The following SEL1L2 variants were observed in gnomAD, a reference collection of about 807,000 sequenced individuals.
SEL1L2 encodes the protein protein sel-1 homolog 2.
A neutral mutation model predicts 98.8 loss-of-function variants in SEL1L2; 89 were observed. The ratio of observed to expected loss-of-function variants is 0.90; its 90% CI spans 0.76 to 1.07. The LOEUF is 1.07. Ranked by LOEUF, SEL1L2 falls within the 50% of genes least tolerant of loss-of-function variation. SEL1L2 has a pLI of 0.00. For missense variants in SEL1L2, 788 were observed against 812.0 expected (o/e 0.97, Z 0.36); for synonymous variants, 262 against 278.5 (o/e 0.94, Z 0.59).
chr20:13,860,384 G>A (rs914688800), intron 17 of SEL1L2, among the ~76,000 whole-genome samples: 6 of 152,160 alleles, frequency 3.9e-5, no homozygotes, highest in Non-Finnish European at 5.9e-5. Context: ...CCGTGAAGCT[G>A]CTATTTTGAA....
At chr20:13,894,515 A>C (rs561309017) in intron 5 of SEL1L2, among the ~76,000 whole-genome samples, 1 of 152,324 alleles carries the variant, frequency 6.6e-6, no homozygotes, top group East Asian at 1.9e-4. Flanking sequence ...AGCAGAGGTC[A>C]CACCACTGCT....
chr20:13,886,164 GAGGGC>G, intron 9 of SEL1L2, 119 bp downstream of exon 9: 1 of 556,722 alleles, frequency 1.8e-6, no homozygotes, highest in Non-Finnish European at 3.0e-6. Flanking sequence ...GGTGAGAGAG[GAGGGC>G]GGGTCTCCCC....
At chr20:13,928,665 A>T (rs946577554) in intron 3 of SEL1L2, among the ~76,000 whole-genome samples, 1 of 152,192 alleles carries the variant, frequency 6.6e-6, no homozygotes, top group Non-Finnish European at 1.5e-5. Context: ...ATCGGAAGTG[A>T]TATGCTTGTC....
intron 5 of SEL1L2, among the ~76,000 whole-genome samples, chr20:13,902,536 C>A (rs1381535625): frequency 6.6e-6 from 1 of 152,162 alleles, no homozygotes; most frequent in Non-Finnish European, 1.5e-5. Flanking sequence ...ATCATTCCAG[C>A]TTTAGCCGGT....
chr20:13,964,148 A>G (rs974144804), intron 1 of SEL1L2, among the ~76,000 whole-genome samples: 2 of 151,978 alleles, frequency 1.3e-5, no homozygotes, highest in Admixed American at 1.3e-4. Flanking sequence ...TGTTGGGGTT[A>G]CAGGCATGAG....
intron 5 of SEL1L2, among the ~76,000 whole-genome samples, chr20:13,909,507 C>T (rs761513569): frequency 2.0e-5 from 3 of 151,710 alleles, no homozygotes; most frequent in East Asian, 2.1e-4. Context: ...GCTATAGTGC[C>T]GGGAGCAGGA....
At chr20:13,864,691 G>A (rs192795924) in intron 17 of SEL1L2, among the ~76,000 whole-genome samples, 1 of 152,088 alleles carries the variant, frequency 6.6e-6, no homozygotes, top group East Asian at 1.9e-4. Context: ...GCTAATGATT[G>A]TAGTAAAGAT....
intron 5 of SEL1L2, among the ~76,000 whole-genome samples, chr20:13,907,742 CTTT>C (rs1342851382): frequency 4.8e-5 from 4 of 83,540 alleles, no homozygotes; most frequent in African/African-American, 1.4e-4. Context: ...TTCTTTCTTT[CTTT>C]CTTTTCTTTT....
At chr20:13,970,351 C>T (rs1400780066) in intron 1 of SEL1L2, among the ~76,000 whole-genome samples, 1 of 152,118 alleles carries the variant, frequency 6.6e-6, no homozygotes, top group Non-Finnish European at 1.5e-5. Context: ...ACAAACAATA[C>T]TGTAAGGGAT....
At chr20:13,974,147 G>A (rs1235359074) in intron 1 of SEL1L2, among the ~76,000 whole-genome samples, 1 of 152,148 alleles carries the variant, frequency 6.6e-6, no homozygotes, top group Admixed American at 6.5e-5. Context: ...TGATGTTCAG[G>A]TGCAGGGCTG....
intron 1 of SEL1L2, among the ~76,000 whole-genome samples, chr20:13,965,826 G>A (rs1600959964): frequency 2.0e-5 from 3 of 152,018 alleles, no homozygotes; most frequent in Admixed American, 6.6e-5. Context: ...GGTGGCATGC[G>A]CCTGTAGTCC....
intron 5 of SEL1L2, among the ~76,000 whole-genome samples, chr20:13,893,335 CAAATGGT>C (rs1007594916): frequency 4.6e-5 from 7 of 152,198 alleles, no homozygotes; most frequent in African/African-American, 1.7e-4. Flanking sequence ...TTAACACAGG[CAAATGGT>C]AACCAAAAAA....
intron 1 of SEL1L2, among the ~76,000 whole-genome samples, chr20:13,985,704 A>G (rs976707022): frequency 2.0e-4 from 30 of 152,160 alleles, no homozygotes; most frequent in Admixed American, 2.0e-3. Context: ...TCTACAATTC[A>G]ATGGCCTTTA....
chr20:13,924,942 CA>C (rs564425995), intron 3 of SEL1L2, among the ~76,000 whole-genome samples: 7 of 151,980 alleles, frequency 4.6e-5, no homozygotes, highest in Non-Finnish European at 8.8e-5. Flanking sequence ...AGTTCGAGAC[CA>C]GCCTGGCCAA....
At chr20:13,853,298 G>C (rs1392841772) in intron 18 of SEL1L2, among the ~76,000 whole-genome samples, 1 of 151,860 alleles carries the variant, frequency 6.6e-6, no homozygotes, top group Non-Finnish European at 1.5e-5. Flanking sequence ...TCCAGGGCTT[G>C]AGCGATCCTC....
At chr20:13,981,652 A>C (rs1401581517) in intron 1 of SEL1L2, among the ~76,000 whole-genome samples, 1 of 152,230 alleles carries the variant, frequency 6.6e-6, no homozygotes, top group African/African-American at 2.4e-5. Flanking sequence ...AAGCCTTATA[A>C]CTTTCAGGAA....
In SEL1L2 at chr20:13,849,416, C is replaced by A; in HGVS notation, c.*69G>T. ...GCGGACTCTTGATTTGGATGGGAAA[C>A]TGTTTATTTAGTGGGGATACCTTGG... On this transcript the variant is annotated 3_prime_UTR_variant, in exon 20 of 20. Coordinates refer to ENST00000284951, the MANE Select transcript of SEL1L2 (RefSeq NM_025229.2). 1 of 1,572,346 alleles carries A rather than the reference C, an allele frequency of 6.4e-7. No individual in the cohort carries two copies. The highest frequency in any genetic ancestry group is 8.7e-7 in the Non-Finnish European group (1 of 1,154,668).
At chr20:13,921,511 A>G (rs1388055007) in intron 3 of SEL1L2, among the ~76,000 whole-genome samples, 1 of 152,100 alleles carries the variant, frequency 6.6e-6, no homozygotes, top group Admixed American at 6.6e-5. Context: ...ATATTGATTG[A>G]TCAAATTTTC....
chr20:13,859,951 G>T (rs985179095), intron 17 of SEL1L2, among the ~76,000 whole-genome samples: 4 of 152,178 alleles, frequency 2.6e-5, no homozygotes, highest in Non-Finnish European at 5.9e-5. Flanking sequence ...TGATCCACCC[G>T]CCTTGGCCTC....
Sources: allele counts gnomAD v4.1 joint callset (sites outside exome capture counted in the v4.1 genomes callset), GRCh38; gene constraint gnomAD v4.1.1; transcripts MANE v1.5; gene names NCBI Gene and HGNC (gene_info 2026-07-23, HGNC 2026-07-21).